ATRNL1: variants seen among roughly 807,000 people sequenced by gnomAD.
ATRNL1 encodes attractin like 1.
ATRNL1 carries 95 observed loss-of-function variants against 182.7 expected under a neutral mutation model. The ratio of observed to expected loss-of-function variants is 0.52; its 90% CI spans 0.44 to 0.62. The LOEUF (loss-of-function observed/expected upper bound fraction) is 0.62, where lower values mean the gene tolerates loss of function less well. Among genes scored for constraint, ATRNL1 ranks in the 20% least tolerant of loss-of-function variants. ATRNL1 has a pLI of 0.00. For synonymous variants in ATRNL1, 576 were observed against 568.3 expected (o/e 1.01, Z -0.19); for missense variants, 1,471 against 1,679.5 (o/e 0.88, Z 2.17).
At chr10:115,668,907 A>T (rs934073780) in intron 26 of ATRNL1, among the ~76,000 whole-genome samples, 1 of 152,104 alleles carries the variant, frequency 6.6e-6, no homozygotes, top group Non-Finnish European at 1.5e-5. Flanking sequence ...CGAGGATTTT[A>T]AAAACTAAAT....
intron 18 of ATRNL1, among the ~76,000 whole-genome samples, chr10:115,324,406 A>C (rs1554932532): frequency 6.6e-6 from 1 of 152,200 alleles, no homozygotes. Context: ...TTTATGTAAA[A>C]AAAGTTTTAC....
intron 24 of ATRNL1, among the ~76,000 whole-genome samples, chr10:115,480,838 C>G (rs1196945459): frequency 6.6e-6 from 1 of 150,990 alleles, no homozygotes; most frequent in Non-Finnish European, 1.5e-5. Context: ...GCAAAATGCT[C>G]TTATCTAATC....
At chr10:115,901,989 G>A (rs1348176095) in intron 28 of ATRNL1, among the ~76,000 whole-genome samples, 1 of 152,106 alleles carries the variant, frequency 6.6e-6, no homozygotes, top group Non-Finnish European at 1.5e-5. Context: ...TGTAATAATA[G>A]GGTAAATTAT....
chr10:115,671,448 T>A (rs1555041368), intron 26 of ATRNL1, among the ~76,000 whole-genome samples: 2 of 152,160 alleles, frequency 1.3e-5, no homozygotes, highest in East Asian at 3.9e-4. Flanking sequence ...TTGATATTTT[T>A]AACTAACATT....
intron 8 of ATRNL1, among the ~76,000 whole-genome samples, chr10:115,191,192 T>C (rs1053270689): frequency 1.3e-5 from 2 of 152,166 alleles, no homozygotes; most frequent in Non-Finnish European, 1.5e-5. Context: ...AACGCAGATA[T>C]CTCTTTGATA....
chr10:115,256,066 G>A (rs1403998232), intron 10 of ATRNL1, among the ~76,000 whole-genome samples: 6 of 152,106 alleles, frequency 3.9e-5, no homozygotes, highest in African/African-American at 1.4e-4. Flanking sequence ...TTTTCACATC[G>A]ATGTTCATCA....
At chr10:115,453,977 A>G (rs1450219488) in intron 21 of ATRNL1, among the ~76,000 whole-genome samples, 1 of 152,052 alleles carries the variant, frequency 6.6e-6, no homozygotes, top group African/African-American at 2.4e-5. Flanking sequence ...AAAGAAATCC[A>G]TTGTGAAGTT....
At chr10:115,146,861 A>G (rs1466568259) in intron 5 of ATRNL1, among the ~76,000 whole-genome samples, 2 of 144,118 alleles carry the variant, frequency 1.4e-5, no homozygotes, top group Non-Finnish European at 3.0e-5. Flanking sequence ...TATTTTCATT[A>G]TCCTTTTGTC....
At chr10:115,821,638 C>G (rs1455130357) in intron 27 of ATRNL1, among the ~76,000 whole-genome samples, 1 of 152,020 alleles carries the variant, frequency 6.6e-6, no homozygotes, top group Non-Finnish European at 1.5e-5. Flanking sequence ...GCAATCCTAG[C>G]CTCTGATAAA....
chr10:115,595,174 T>A (rs1856158649), intron 26 of ATRNL1, among the ~76,000 whole-genome samples: 1 of 151,860 alleles, frequency 6.6e-6, no homozygotes, highest in African/African-American at 2.4e-5. Context: ...ATTAAAGTCA[T>A]CTATGGGTTA....
At chr10:115,130,818 C>A in intron 5 of ATRNL1, among the ~76,000 whole-genome samples, 1 of 152,030 alleles carries the variant, frequency 6.6e-6, no homozygotes, top group Admixed American at 6.6e-5. Context: ...AGAAATATAG[C>A]TCATATACAC....
At chr10:115,320,641 G>C (rs1264478356) in intron 18 of ATRNL1, among the ~76,000 whole-genome samples, 1 of 151,906 alleles carries the variant, frequency 6.6e-6, no homozygotes, top group Non-Finnish European at 1.5e-5. Context: ...TCAGCAAGGT[G>C]GTCTTCAAAC....
chr10:115,094,818 G>A (rs967873706), intron 1 of ATRNL1, among the ~76,000 whole-genome samples: 88 of 152,206 alleles, frequency 5.8e-4, no homozygotes, highest in African/African-American at 2.0e-3. Context: ...CGAATTTGCT[G>A]TGTTGTATTT....
intron 27 of ATRNL1, among the ~76,000 whole-genome samples, chr10:115,795,870 G>A (rs530348323): frequency 3.3e-5 from 5 of 152,184 alleles, no homozygotes; most frequent in Admixed American, 1.3e-4. Flanking sequence ...AGATTTGGGT[G>A]GGGACACAGA....
At chr10:115,374,448 CTTCCT>C (rs1438051441) in intron 19 of ATRNL1, among the ~76,000 whole-genome samples, 2 of 127,180 alleles carry the variant, frequency 1.6e-5, no homozygotes, top group Non-Finnish European at 3.5e-5. Context: ...CTTCTCCTTC[CTTCCT>C]TTCCTTCCTT....
In ATRNL1 at chr10:115,159,351, C is replaced by A. The variant is rs567510849; in HGVS notation, c.830-689C>A. Reference sequence around the variant, plus strand: ...GTTTGAGAAACACTGATGGGGAAACCAAGACTTATGAGTAACATCATGAAT... The same window carrying A: ...GTTTGAGAAACACTGATGGGGAAACAAAGACTTATGAGTAACATCATGAAT... On this transcript the variant is annotated intron_variant, in intron 5 of 28. Coordinates refer to ENST00000355044, the MANE Select transcript of ATRNL1 (RefSeq NM_207303.4). Among the ~76,000 whole-genome samples the A allele has an allele frequency of 2.6e-5, 4 of 151,264 alleles. No individual in the cohort carries two copies. In the South Asian group the frequency reaches 8.3e-4, roughly 31 times the overall value.
At chr10:115,323,829 G>A (rs1854720300) in intron 18 of ATRNL1, among the ~76,000 whole-genome samples, 1 of 151,602 alleles carries the variant, frequency 6.6e-6, no homozygotes, top group Non-Finnish European at 1.5e-5. Flanking sequence ...CCAGCCTGGA[G>A]TGCAGTGGCG....
At chr10:115,815,579 T>C (rs906654502) in intron 27 of ATRNL1, among the ~76,000 whole-genome samples, 2 of 152,146 alleles carry the variant, frequency 1.3e-5, no homozygotes, top group Admixed American at 1.3e-4. Context: ...GAAAATACTC[T>C]ACCATCTTTA....
chr10:115,581,991 G>T (rs1190222287), intron 26 of ATRNL1, among the ~76,000 whole-genome samples: 2 of 147,278 alleles, frequency 1.4e-5, no homozygotes, highest in Non-Finnish European at 1.5e-5. Flanking sequence ...GAGAATATGC[G>T]GTGTTTGGTT....
Sources: gnomAD v4.1 joint callset for allele counts (sites outside exome capture counted in the v4.1 genomes callset) on GRCh38, gnomAD v4.1.1 for gene constraint, MANE v1.5 for transcripts, NCBI Gene and HGNC (gene_info 2026-07-23, HGNC 2026-07-21) for gene names.